Variants in NTNG2 observed in about 807,000 individuals in gnomAD.
NTNG2 encodes netrin-G2.
In NTNG2, 15 loss-of-function variants were observed where a neutral mutation model predicts 47.6. That is an observed-to-expected ratio of 0.32 (90% confidence interval 0.21 to 0.49). NTNG2 has a LOEUF of 0.49. NTNG2 is among the 20% of genes least tolerant of loss of function. The probability of loss-of-function intolerance (pLI) is 0.99; values close to 1 mark genes in which losing one functional copy is unlikely to be tolerated. For synonymous variants in NTNG2, 307 were observed against 324.6 expected (o/e 0.95, Z 0.58); for missense variants, 578 against 764.6 (o/e 0.76, Z 2.88).
intron 4 of NTNG2, among the ~76,000 whole-genome samples, chr9:132,229,653 G>A (rs1841049223): frequency 6.6e-6 from 1 of 152,220 alleles, no homozygotes; most frequent in Non-Finnish European, 1.5e-5. Context: ...CTAGCAGGTG[G>A]CTGCCCAGAC....
intron 4 of NTNG2, among the ~76,000 whole-genome samples, chr9:132,230,308 T>G (rs890497946): frequency 6.6e-6 from 1 of 152,256 alleles, no homozygotes; most frequent in Non-Finnish European, 1.5e-5. Flanking sequence ...GTCACGGCTC[T>G]GAGATTCAGT....
rs780497295 is a variant in NTNG2 at position 132,227,036 on chromosome 9, C to T, written c.1030+15C>T. ...TCCCAACGCCTGTACGTGCCATGCC[C>T]CGGGGCCACGAGCCCACATGGCTAT... On this transcript the variant is annotated intron_variant, in intron 4 of 7. Coordinates refer to ENST00000393229, the MANE Select transcript of NTNG2 (RefSeq NM_032536.4). 1.3e-6 allele frequency: 2 copies of T among 1,580,342 alleles called. No individual in the cohort carries two copies. Among genetic ancestry groups the T allele is most frequent in the Non-Finnish European group, 8.6e-7 (1 of 1,163,678 alleles).
intron 6 of NTNG2, 150 bp from the exon 7 acceptor site, chr9:132,240,760 C>A: frequency 8.4e-7 from 1 of 1,192,782 alleles, no homozygotes; most frequent in Non-Finnish European, 1.2e-6. Context: ...TCCCCACCTG[C>A]CGTCCAGCCG....
chr9:132,231,671 C>T lies in NTNG2; in HGVS notation c.1054+1076C>T. On this transcript the variant is annotated intron_variant, in intron 5 of 7. Coordinates refer to ENST00000393229, the MANE Select transcript of NTNG2 (RefSeq NM_032536.4). The surrounding 1 kb of genome is among the most constrained non-coding windows in gnomAD (Gnocchi z 4.1). The stretch of plus-strand genomic sequence containing the variant: ...TCAGCAGGTCCCAGAAAGACCCCGA[C>T]CCCAAAGGCCCTGTGGCCACTGCGG... The T allele has an allele frequency of 3.8e-6, 1 of 263,198 alleles. No homozygotes were observed. Among genetic ancestry groups the T allele is most frequent in the South Asian group, 3.3e-5 (1 of 30,456 alleles). The allele number at this position is 263,198 out of a possible 1,614,324, so 16.3% of individuals were successfully genotyped here.
chr9:132,176,063 G>A (rs896236223), intron 2 of NTNG2, among the ~76,000 whole-genome samples: 2 of 152,154 alleles, frequency 1.3e-5, no homozygotes, highest in Middle Eastern at 3.4e-3. Flanking sequence ...GTTAAACAAC[G>A]TTTTGGTGGG....
chr9:132,235,965 G>T (rs1055200422), intron 5 of NTNG2, among the ~76,000 whole-genome samples: 6 of 152,190 alleles, frequency 3.9e-5, no homozygotes, highest in Non-Finnish European at 7.3e-5. Context: ...AAGCTCACCT[G>T]CTTCAAGAGG....
rs758215512 is a variant in NTNG2 at position 132,236,080 on chromosome 9, G to A, written c.1055-3024G>A. ...CCCACGACAGGAACCCCCCTCTCCAGCTGCCCTTGCTCACAGGACACCTGG... is the reference window on the plus strand; with the variant it reads ...CCCACGACAGGAACCCCCCTCTCCAACTGCCCTTGCTCACAGGACACCTGG... On this transcript the variant is annotated intron_variant, in intron 5 of 7. Transcript: ENST00000393229. This position sits in a 1 kb window ranked among gnomAD's most constrained non-coding sequence, Gnocchi z 4.3. 2.6e-5 allele frequency among the ~76,000 whole-genome samples: 4 copies of A among 152,228 alleles called. No individual in the cohort carries two copies. Among genetic ancestry groups the A allele is most frequent in the Non-Finnish European group, 5.9e-5 (4 of 68,028 alleles).
At chr9:132,185,223 G>C (rs963961850) in intron 2 of NTNG2, among the ~76,000 whole-genome samples, 1 of 152,136 alleles carries the variant, frequency 6.6e-6, no homozygotes, top group African/African-American at 2.4e-5. Flanking sequence ...TGCTTCCCCC[G>C]ACCCCCTTCC....
At chr9:132,235,300 G>T (rs1009625974) in intron 5 of NTNG2, among the ~76,000 whole-genome samples, 2 of 152,242 alleles carry the variant, frequency 1.3e-5, no homozygotes, top group African/African-American at 4.8e-5. Flanking sequence ...AGAGGTCTGG[G>T]CCCAGAGGCG....
chr9:132,204,612 T>C (rs1224629035), intron 3 of NTNG2, among the ~76,000 whole-genome samples: 4 of 152,304 alleles, frequency 2.6e-5, no homozygotes, highest in Middle Eastern at 3.4e-3. Flanking sequence ...CTTGAAACTC[T>C]GGGAAGGCAG....
chr9:132,188,379 C>T (rs559836352), intron 2 of NTNG2, among the ~76,000 whole-genome samples: 3 of 152,250 alleles, frequency 2.0e-5, no homozygotes, highest in Non-Finnish European at 4.4e-5. Flanking sequence ...CAGTGCGGCC[C>T]AGGCAACAGC....
rs1051656192 is a variant in NTNG2 at position 132,162,444 on chromosome 9, G to C, written c.-484+205G>C. 6.6e-6 allele frequency among the ~76,000 whole-genome samples: 1 copy of C among 152,156 alleles called. No individual in the cohort carries two copies. Among genetic ancestry groups the C allele is most frequent in the African/African-American group, 2.4e-5 (1 of 41,436 alleles). On this transcript the variant is annotated intron_variant, in intron 1 of 7. Coordinates refer to ENST00000393229, the MANE Select transcript of NTNG2 (RefSeq NM_032536.4). The surrounding 1 kb of genome is among the most constrained non-coding windows in gnomAD (Gnocchi z 4.6). ...TGAGAACTGGAGTCGCCCCAGAGGGGTGTGTGAGGGTGCGTTCTTAGCAGC... is the reference window on the plus strand; with the variant it reads ...TGAGAACTGGAGTCGCCCCAGAGGGCTGTGTGAGGGTGCGTTCTTAGCAGC...
Position 132,192,240 on chromosome 9 carries a change from G to A in NTNG2, c.214-5726G>A, listed in dbSNP as rs1442542199. Among the ~76,000 whole-genome samples the A allele has an allele frequency of 2.0e-5, 3 of 152,310 alleles. No homozygotes were observed. The East Asian group carries it at 5.8e-4, about 29-fold the overall frequency. On this transcript the variant is annotated intron_variant, in intron 2 of 7. Transcript: ENST00000393229. ...GATGCTGACTGGGGACTGGGGTGGGGGGACTGGGGTAAACTGGTCTTCTAA... is the reference window on the plus strand; with the variant it reads ...GATGCTGACTGGGGACTGGGGTGGGAGGACTGGGGTAAACTGGTCTTCTAA...
rs770685056 is a variant in NTNG2 at position 132,162,566 on chromosome 9, C to G, written c.-484+327C>G. Among the ~76,000 whole-genome samples, 77 of 35,404 alleles carry G rather than the reference C, an allele frequency of 2.2e-3. No homozygotes were observed. The highest frequency in any genetic ancestry group is 5.4e-3 in the African/African-American group (39 of 7,212). The allele number at this position is 35,404 out of a possible 152,430, so 23.2% of individuals were successfully genotyped here. On this transcript the variant is annotated intron_variant, in intron 1 of 7. Transcript: ENST00000393229. This position sits in a 1 kb window ranked among gnomAD's most constrained non-coding sequence, Gnocchi z 4.6. ...TGTGTGTGTGTGTGTGAGAGAGAGA[C>G]AGAGTGTGTGTGTGTGTGTGTGTGT...
At chr9:132,179,737 G>A (rs1836789140) in intron 2 of NTNG2, among the ~76,000 whole-genome samples, 1 of 152,232 alleles carries the variant, frequency 6.6e-6, no homozygotes, top group Non-Finnish European at 1.5e-5. Context: ...CAGATGAGGA[G>A]AGGAAGGTGC....
At position 132,182,260 on chromosome 9, in the gene NTNG2, A is replaced by T. The variant is rs573432414; in HGVS notation, c.213+15216A>T. Among the ~76,000 whole-genome samples the T allele has an allele frequency of 3.3e-5, 5 of 152,144 alleles. No homozygotes were observed. The highest frequency in any genetic ancestry group is 1.2e-4 in the African/African-American group (5 of 41,400). On this transcript the variant is annotated intron_variant, in intron 2 of 7. Coordinates refer to ENST00000393229, the MANE Select transcript of NTNG2 (RefSeq NM_032536.4). The surrounding 1 kb of genome is among the most constrained non-coding windows in gnomAD (Gnocchi z 4.2). ...TTCTGGGGAAGGAGTGGGGGAAAAAATTGCACCCAACAATGGACAATAATG... is the reference window on the plus strand; with the variant it reads ...TTCTGGGGAAGGAGTGGGGGAAAAATTTGCACCCAACAATGGACAATAATG...
chr9:132,242,246 C>G lies in NTNG2; in HGVS notation c.*135C>G, dbSNP rs1010245157. 7.9e-6 allele frequency: 2 copies of G among 254,488 alleles called. No individual in the cohort carries two copies. Among genetic ancestry groups the G allele is most frequent in the Non-Finnish European group, 1.3e-5 (2 of 153,032 alleles). The allele number at this position is 254,488 out of a possible 1,614,324, so 15.8% of individuals were successfully genotyped here. Reference sequence around the variant, plus strand: ...CCAGGTGCTACTCAGCAGGGCCCCCCGCCCGGCCCGCGCTCCCGCCCGCAC... The same window carrying G: ...CCAGGTGCTACTCAGCAGGGCCCCCGGCCCGGCCCGCGCTCCCGCCCGCAC... On this transcript the variant is annotated 3_prime_UTR_variant, in exon 8 of 8. Coordinates refer to ENST00000393229, the MANE Select transcript of NTNG2 (RefSeq NM_032536.4). This position sits in a 1 kb window ranked among gnomAD's most constrained non-coding sequence, Gnocchi z 5.9.
intron 2 of NTNG2, among the ~76,000 whole-genome samples, chr9:132,187,379 T>C (rs1723818767): frequency 6.6e-6 from 1 of 152,156 alleles, no homozygotes; most frequent in African/African-American, 2.4e-5. Flanking sequence ...TTTACGCTGA[T>C]TCACGAGCGG....
intron 7 of NTNG2, chr9:132,241,335 G>C (rs1232897526): frequency 4.1e-6 from 2 of 488,626 alleles, no homozygotes; most frequent in Non-Finnish European, 7.2e-6. Flanking sequence ...GGCGGTGGAC[G>C]GGGCCTAGCG....
Sources: gnomAD v4.1 joint callset for allele counts (sites outside exome capture counted in the v4.1 genomes callset) on GRCh38, gnomAD v4.1.1 for gene constraint, Gnocchi (gnomAD v3.1) non-coding constraint, MANE v1.5 for transcripts, NCBI Gene and HGNC (gene_info 2026-07-23, HGNC 2026-07-21) for gene names.